Variants in PRKCA observed in about 807,000 individuals in gnomAD.
PRKCA encodes protein kinase C alpha.
Under a neutral mutation model 87.0 loss-of-function variants are expected in PRKCA, and 27 were observed. The observed-to-expected ratio is 0.31, with a 90% CI of 0.23 to 0.43. The LOEUF (loss-of-function observed/expected upper bound fraction) is 0.43. PRKCA is among the 20% of genes least tolerant of loss of function. The pLI is 1.00. For missense variants in PRKCA, 518 were observed against 852.3 expected (o/e 0.61, Z 4.88); for synonymous variants, 329 against 311.1 (o/e 1.06, Z -0.61).
intron 2 of PRKCA, among the ~76,000 whole-genome samples, chr17:66,472,874 C>T (rs1257082496): frequency 2.6e-5 from 4 of 152,074 alleles, no homozygotes; most frequent in African/African-American, 7.2e-5. Context: ...TGCCTCCGAC[C>T]GAACTTGCCT....
At chr17:66,633,843 C>T (rs556949206) in intron 3 of PRKCA, among the ~76,000 whole-genome samples, 9 of 152,168 alleles carry the variant, frequency 5.9e-5, no homozygotes, top group Non-Finnish European at 1.0e-4. Context: ...GTGAAGGGAG[C>T]GTTAACTCCT....
intron 2 of PRKCA, among the ~76,000 whole-genome samples, chr17:66,469,212 C>T (rs1915220810): frequency 6.6e-6 from 1 of 152,148 alleles, no homozygotes; most frequent in Admixed American, 6.5e-5. Context: ...TAGTTGTGAT[C>T]CACAAATCTG....
intron 13 of PRKCA, among the ~76,000 whole-genome samples, chr17:66,761,966 T>A (rs1332257443): frequency 6.6e-6 from 1 of 152,072 alleles, no homozygotes; most frequent in Non-Finnish European, 1.5e-5. Flanking sequence ...CCTAATACCA[T>A]AAGAAAACAG....
intron 3 of PRKCA, among the ~76,000 whole-genome samples, chr17:66,621,711 C>T (rs1343740804): frequency 6.6e-6 from 1 of 152,010 alleles, no homozygotes; most frequent in Non-Finnish European, 1.5e-5. Flanking sequence ...CAGAAACCTC[C>T]AAGAATGGCA....
chr17:66,628,495 C>CA (rs1281764140), intron 3 of PRKCA, among the ~76,000 whole-genome samples: 1 of 152,102 alleles, frequency 6.6e-6, no homozygotes, highest in Non-Finnish European at 1.5e-5. Flanking sequence ...GCCTCTCTCT[C>CA]TTTTTTTCTC....
chr17:66,790,352 G>C (rs920749760), intron 16 of PRKCA, among the ~76,000 whole-genome samples: 1 of 152,158 alleles, frequency 6.6e-6, no homozygotes, highest in African/African-American at 2.4e-5. Context: ...TTTCAAATAA[G>C]GCCCTTTTGT....
At chr17:66,376,890 C>T (rs1200247697) in intron 2 of PRKCA, among the ~76,000 whole-genome samples, 1 of 152,130 alleles carries the variant, frequency 6.6e-6, no homozygotes, top group Non-Finnish European at 1.5e-5. Flanking sequence ...TCAAGGCCTC[C>T]TCTCTGCTGG....
chr17:66,784,633 A>G (rs1975333012), intron 14 of PRKCA, among the ~76,000 whole-genome samples: 1 of 152,232 alleles, frequency 6.6e-6, no homozygotes, highest in Admixed American at 6.5e-5. Flanking sequence ...GAGAAATGTT[A>G]TGGGTATCAT....
At chr17:66,755,784 C>T (rs994334255) in intron 13 of PRKCA, among the ~76,000 whole-genome samples, 1 of 152,122 alleles carries the variant, frequency 6.6e-6, no homozygotes, top group Non-Finnish European at 1.5e-5. Flanking sequence ...AACAATTCTT[C>T]CTAGAGCCAT....
At chr17:66,523,191 T>C (rs1389054019) in intron 3 of PRKCA, among the ~76,000 whole-genome samples, 1 of 152,168 alleles carries the variant, frequency 6.6e-6, no homozygotes, top group East Asian at 1.9e-4. Context: ...TCAATCAGTG[T>C]AGGATTTCAG....
chr17:66,500,979 G>A (rs1916705228), intron 3 of PRKCA, among the ~76,000 whole-genome samples: 1 of 151,700 alleles, frequency 6.6e-6, no homozygotes, highest in South Asian at 2.1e-4. Context: ...TTCGTACCAT[G>A]GAGAATGGTT....
At position 66,567,818 on chromosome 17, in the gene PRKCA, A is replaced by G. The variant is rs568322685; in HGVS notation, c.288+71535A>G. ...TTTAAGAACGATTTGAAAAATTCCT[A>G]TAAGTGAAAATCAGATGGGAAGAAG... On this transcript the variant is annotated intron_variant, in intron 3 of 16. Transcript: ENST00000413366. Among the ~76,000 whole-genome samples, 233 of 152,362 alleles carry G rather than the reference A, an allele frequency of 1.5e-3. 1 individual carries two copies. The highest frequency in any genetic ancestry group is 5.3e-3 in the African/African-American group (221 of 41,586).
At chr17:66,395,247 T>A (rs1567806946) in intron 2 of PRKCA, among the ~76,000 whole-genome samples, 1 of 152,182 alleles carries the variant, frequency 6.6e-6, no homozygotes, top group African/African-American at 2.4e-5. Flanking sequence ...GATGATGGCT[T>A]AGAACAGCAG....
intron 3 of PRKCA, among the ~76,000 whole-genome samples, chr17:66,585,904 A>G (rs1416213446): frequency 6.6e-6 from 1 of 152,188 alleles, no homozygotes; most frequent in African/African-American, 2.4e-5. Flanking sequence ...TGTGTCCTTG[A>G]GTCTGAATGC....
intron 11 of PRKCA, among the ~76,000 whole-genome samples, 199 bp downstream of exon 11, chr17:66,739,054 C>T (rs1225730881): frequency 6.6e-6 from 1 of 152,038 alleles, no homozygotes; most frequent in African/African-American, 2.4e-5. Context: ...GGCTAATTTT[C>T]TGTTTTTGGT....
chr17:66,385,923 A>G (rs552956979), intron 2 of PRKCA, among the ~76,000 whole-genome samples: 22 of 152,052 alleles, frequency 1.4e-4, no homozygotes, highest in African/African-American at 5.1e-4. Flanking sequence ...ACACCCAGCT[A>G]ATTTTTTGTG....
chr17:66,677,899 T>C lies in PRKCA; in HGVS notation c.530-9212T>C, dbSNP rs189036066. On this transcript the variant is annotated intron_variant, in intron 5 of 16. Coordinates refer to ENST00000413366, the MANE Select transcript of PRKCA (RefSeq NM_002737.3). ...TACAGTGTAGTGGTTTTCAGTATATTCACAAGATTGTGCAATATACACCAC... is the reference window on the plus strand; with the variant it reads ...TACAGTGTAGTGGTTTTCAGTATATCCACAAGATTGTGCAATATACACCAC... 2.6e-4 allele frequency among the ~76,000 whole-genome samples: 39 copies of C among 152,318 alleles called. No homozygotes were observed. In the East Asian group the frequency reaches 2.9e-3, roughly 11 times the overall value.
intron 2 of PRKCA, among the ~76,000 whole-genome samples, chr17:66,424,924 T>G (rs74953440): frequency 0.064 from 9,695 of 151,848 alleles, 364 homozygotes; most frequent in African/African-American, 0.089. Context: ...TAATTTTTTT[T>G]TGTGTGTGTA....
chr17:66,646,581 A>T (rs574347290), intron 5 of PRKCA, among the ~76,000 whole-genome samples: 1 of 152,210 alleles, frequency 6.6e-6, no homozygotes, highest in East Asian at 1.9e-4. Flanking sequence ...ATAAACATGG[A>T]AAGACTGATG....
Sources: gnomAD v4.1 joint callset for allele counts (sites outside exome capture counted in the v4.1 genomes callset) on GRCh38, gnomAD v4.1.1 for gene constraint, MANE v1.5 for transcripts, NCBI Gene and HGNC (gene_info 2026-07-23, HGNC 2026-07-21) for gene names.